NALF1: variants seen among roughly 807,000 people sequenced by gnomAD.
NALF1 encodes NALCN channel auxiliary factor 1.
NALF1 carries 3 observed loss-of-function variants against 48.4 expected under a neutral mutation model. That is an observed-to-expected ratio of 0.06 (90% CI 0.03 to 0.16). NALF1 has a LOEUF of 0.16. NALF1 is among the 10% of genes least tolerant of loss of function. NALF1 has a pLI of 1.00. For missense variants in NALF1, 526 were observed against 571.5 expected (o/e 0.92, Z 0.81); for synonymous variants, 262 against 245.7 (o/e 1.07, Z -0.62).
intron 2 of NALF1, among the ~76,000 whole-genome samples, chr13:107,198,324 T>C (rs1230789239): frequency 6.6e-6 from 1 of 152,182 alleles, no homozygotes; most frequent in East Asian, 1.9e-4. Context: ...TGCAAATTGA[T>C]TGTGCTTCTA....
At chr13:107,660,609 C>T (rs932183733) in intron 1 of NALF1, among the ~76,000 whole-genome samples, 1 of 152,008 alleles carries the variant, frequency 6.6e-6, no homozygotes, top group African/African-American at 2.4e-5. Context: ...AGAAAATTAT[C>T]AAATCTACAG....
At chr13:107,605,346 C>T (rs1002289367) in intron 1 of NALF1, among the ~76,000 whole-genome samples, 3 of 152,170 alleles carry the variant, frequency 2.0e-5, no homozygotes, top group African/African-American at 4.8e-5. Flanking sequence ...CTCTTTCCAG[C>T]TTCATCAGGC....
At chr13:107,553,504 C>T (rs955986310) in intron 1 of NALF1, among the ~76,000 whole-genome samples, 1 of 152,094 alleles carries the variant, frequency 6.6e-6, no homozygotes, top group Non-Finnish European at 1.5e-5. Flanking sequence ...TCGAATAAAA[C>T]CCTTTCAATT....
At chr13:107,742,106 T>A (rs1173827594) in intron 1 of NALF1, among the ~76,000 whole-genome samples, 1 of 152,218 alleles carries the variant, frequency 6.6e-6, no homozygotes, top group Non-Finnish European at 1.5e-5. Context: ...GGATGGGAAG[T>A]CAGTCTCCCC....
intron 1 of NALF1, among the ~76,000 whole-genome samples, chr13:107,851,673 TC>T (rs1448637633): frequency 6.6e-6 from 1 of 152,164 alleles, no homozygotes; most frequent in East Asian, 1.9e-4. Flanking sequence ...ATTTCAAAGA[TC>T]TGAGTAAAAT....
At chr13:107,333,035 G>T (rs142580490) in intron 1 of NALF1, among the ~76,000 whole-genome samples, 24 of 151,956 alleles carry the variant, frequency 1.6e-4, no homozygotes, top group African/African-American at 5.3e-4. Context: ...TAGTAGAGAC[G>T]GGGTTTCACC....
chr13:107,633,243 A>G (rs2138450457), intron 1 of NALF1, among the ~76,000 whole-genome samples: 1 of 152,268 alleles, frequency 6.6e-6, no homozygotes, highest in African/African-American at 2.4e-5. Flanking sequence ...TATGAAATAC[A>G]TATATAAAAC....
At chr13:107,604,867 TGAGATC>T (rs1879023861) in intron 1 of NALF1, among the ~76,000 whole-genome samples, 1 of 152,014 alleles carries the variant, frequency 6.6e-6, no homozygotes, top group Non-Finnish European at 1.5e-5. Context: ...ATGTTAGCCA[TGAGATC>T]GTGATAATAC....
Position 107,387,681 on chromosome 13 carries a change from G to A in NALF1, c.916-176926C>T, listed in dbSNP as rs148826944. ...GGCCAAGCCTTCCCAAAAGCTTACAGCAGAATTAGAGAGTCAGACTGCATG... is the reference window on the plus strand; with the variant it reads ...GGCCAAGCCTTCCCAAAAGCTTACAACAGAATTAGAGAGTCAGACTGCATG... On this transcript the variant is annotated intron_variant, in intron 1 of 2. Coordinates refer to ENST00000375915, the MANE Select transcript of NALF1 (RefSeq NM_001080396.3). Among the ~76,000 whole-genome samples the A allele has an allele frequency of 7.2e-5, 11 of 152,300 alleles. No homozygotes were observed. In the East Asian group the frequency reaches 2.1e-3, roughly 29 times the overall value.
At chr13:107,353,739 G>A (rs1331801666) in intron 1 of NALF1, among the ~76,000 whole-genome samples, 1 of 152,064 alleles carries the variant, frequency 6.6e-6, no homozygotes, top group Non-Finnish European at 1.5e-5. Context: ...GATTTATTTC[G>A]GCAGCAACAG....
At chr13:107,488,240 C>A (rs1885361424) in intron 1 of NALF1, among the ~76,000 whole-genome samples, 1 of 147,136 alleles carries the variant, frequency 6.8e-6, no homozygotes, top group South Asian at 2.1e-4. Context: ...ATTCATTGAT[C>A]TTTTGAATGT....
intron 1 of NALF1, among the ~76,000 whole-genome samples, chr13:107,806,703 C>T (rs1389677855): frequency 6.6e-6 from 1 of 152,066 alleles, no homozygotes; most frequent in Non-Finnish European, 1.5e-5. Flanking sequence ...TGATAGTTTC[C>T]AATGAAACTG....
intron 1 of NALF1, among the ~76,000 whole-genome samples, chr13:107,538,736 T>C (rs1010252324): frequency 6.6e-6 from 1 of 152,112 alleles, no homozygotes; most frequent in African/African-American, 2.4e-5. Context: ...TTGAGAAAAA[T>C]TGCTTAATTT....
intron 1 of NALF1, among the ~76,000 whole-genome samples, chr13:107,800,095 G>A (rs1878558530): frequency 6.6e-6 from 1 of 152,114 alleles, no homozygotes; most frequent in Non-Finnish European, 1.5e-5. Context: ...CACTTAAGGA[G>A]CATGTAGTTG....
chr13:107,718,195 T>C (rs1875878623), intron 1 of NALF1, among the ~76,000 whole-genome samples: 1 of 152,238 alleles, frequency 6.6e-6, no homozygotes, highest in Admixed American at 6.5e-5. Flanking sequence ...TCTAGATTTC[T>C]GACCTTGATG....
At chr13:107,772,076 T>C (rs943461886) in intron 1 of NALF1, among the ~76,000 whole-genome samples, 11 of 152,174 alleles carry the variant, frequency 7.2e-5, no homozygotes, top group African/African-American at 1.4e-4. Flanking sequence ...TTGCAAAATA[T>C]AGTAATTAAG....
chr13:107,610,634 T>C (rs4257094), intron 1 of NALF1, among the ~76,000 whole-genome samples: 81,817 of 151,992 alleles, frequency 0.54, 22,161 homozygotes, highest in East Asian at 0.7. Flanking sequence ...TTTAAGAGAA[T>C]TTGAACATTA....
At chr13:107,347,510 C>A (rs1882796300) in intron 1 of NALF1, among the ~76,000 whole-genome samples, 1 of 152,212 alleles carries the variant, frequency 6.6e-6, no homozygotes, top group African/African-American at 2.4e-5. Context: ...CTCAGACAGG[C>A]TCTCTTTATT....
In NALF1 at chr13:107,866,725, CTCTT is replaced by C. The variant is rs1312633984; in HGVS notation, c.-133_-130del. On this transcript the variant is annotated 5_prime_UTR_variant, in exon 1 of 3. Coordinates refer to ENST00000375915, the MANE Select transcript of NALF1 (RefSeq NM_001080396.3). This position sits in a 1 kb window ranked among gnomAD's most constrained non-coding sequence, Gnocchi z 4.4. ...CTCCCGTTTCTTCTCTCTCCTCTCT[CTCTT>C]TCTCTCTCTTCCCCTCTCCCTCTCT... The C allele has an allele frequency of 1.1e-4, 64 of 603,938 alleles. No homozygotes were observed. In the Middle Eastern group the frequency reaches 1.8e-3, roughly 17 times the overall value. 37.4% of individuals were successfully genotyped at this position (603,938 alleles called of 1,614,324 possible).
Sources: gnomAD v4.1 joint callset for allele counts (sites outside exome capture counted in the v4.1 genomes callset) on GRCh38, gnomAD v4.1.1 for gene constraint, Gnocchi (gnomAD v3.1) non-coding constraint, MANE v1.5 for transcripts, NCBI Gene and HGNC (gene_info 2026-07-23, HGNC 2026-07-21) for gene names.